Variants in NCAM1 observed in about 807,000 individuals in gnomAD.
NCAM1 encodes antigen recognized by monoclonal antibody 5.1H11.
In NCAM1, 14 loss-of-function variants were observed where a neutral mutation model predicts 109.8. That is an observed-to-expected ratio of 0.13 (90% CI 0.08 to 0.20). The LOEUF is 0.20. Ranked by LOEUF, NCAM1 falls within the 10% of genes least tolerant of loss-of-function variation. NCAM1 has a pLI of 1.00. For missense variants in NCAM1, 774 were observed against 1,109.9 expected, an observed-to-expected ratio of 0.70 and a Z score of 4.30; for synonymous variants, 418 against 442.9, an observed-to-expected ratio of 0.94 and a Z score of 0.70.
At chr11:113,146,821 G>T (rs1028323047) in intron 1 of NCAM1, among the ~76,000 whole-genome samples, 1 of 151,940 alleles carries the variant, frequency 6.6e-6, no homozygotes, top group Non-Finnish European at 1.5e-5. Context: ...CCTATCACTG[G>T]CTGGTTCAAA....
chr11:113,012,071 T>G (rs1952079861), intron 1 of NCAM1, among the ~76,000 whole-genome samples: 1 of 151,200 alleles, frequency 6.6e-6, no homozygotes, highest in Admixed American at 6.6e-5. Flanking sequence ...CAGGCTGGAG[T>G]GCAGTGGCGC....
chr11:113,154,640 C>A lies in NCAM1; in HGVS notation c.53-47739C>A, dbSNP rs553309563. ...TACTAGTGTCTATAGCTACACACAC[C>A]CGCCACACATGAACACATAGAGTTA... is the stretch of plus-strand genomic sequence containing the variant. On this transcript the variant is annotated intron_variant, in intron 1 of 19. Transcript: ENST00000316851. Among the ~76,000 whole-genome samples the A allele has an allele frequency of 1.1e-3, 169 of 152,164 alleles. 1 individual carries two copies. The highest frequency in any genetic ancestry group is 8.9e-3 in the South Asian group (43 of 4,808).
chr11:113,178,402 C>G (rs900668537), intron 1 of NCAM1, among the ~76,000 whole-genome samples: 2 of 152,202 alleles, frequency 1.3e-5, no homozygotes, highest in South Asian at 4.1e-4. Context: ...CCTTTCTGCC[C>G]TGAGAGATGA....
At chr11:113,182,073 G>A (rs1165238633) in intron 1 of NCAM1, among the ~76,000 whole-genome samples, 1 of 152,114 alleles carries the variant, frequency 6.6e-6, no homozygotes, top group Non-Finnish European at 1.5e-5. Context: ...TTGGAATGAT[G>A]TTATTTGGTA....
At chr11:113,065,531 G>T (rs1019392563) in intron 1 of NCAM1, among the ~76,000 whole-genome samples, 1 of 152,306 alleles carries the variant, frequency 6.6e-6, no homozygotes. Context: ...GTAGACTTGA[G>T]ATGATGCAAT....
intron 1 of NCAM1, among the ~76,000 whole-genome samples, chr11:113,008,204 T>C (rs1393194094): frequency 6.6e-6 from 1 of 152,198 alleles, no homozygotes; most frequent in Admixed American, 6.5e-5. Context: ...GTTATGACAC[T>C]TTTTGATAGA....
chr11:113,208,613 G>A (rs565647818), intron 7 of NCAM1, among the ~76,000 whole-genome samples: 49 of 151,900 alleles, frequency 3.2e-4, no homozygotes, highest in African/African-American at 1.2e-3. Flanking sequence ...TTCCTTCACT[G>A]CCCTGGCTAA....
At chr11:113,191,507 C>T (rs144725340) in intron 1 of NCAM1, among the ~76,000 whole-genome samples, 2 of 152,324 alleles carry the variant, frequency 1.3e-5, no homozygotes, top group Non-Finnish European at 2.9e-5. Flanking sequence ...AGAGCAAGGG[C>T]TGTGGAGCTG....
intron 1 of NCAM1, among the ~76,000 whole-genome samples, chr11:113,143,591 G>A (rs1461733972): frequency 6.6e-6 from 1 of 152,170 alleles, no homozygotes; most frequent in Admixed American, 6.5e-5. Flanking sequence ...CTCAGCACTG[G>A]TAATGGATTA....
intron 9 of NCAM1, among the ~76,000 whole-genome samples, chr11:113,226,863 A>G (rs1162469043): frequency 1.3e-5 from 2 of 152,274 alleles, no homozygotes; most frequent in African/African-American, 2.4e-5. Flanking sequence ...GCAGAAATAA[A>G]GAAGTTCTTT....
intron 1 of NCAM1, among the ~76,000 whole-genome samples, chr11:113,103,557 C>G (rs1555091907): frequency 6.6e-6 from 1 of 152,104 alleles, no homozygotes; most frequent in East Asian, 1.9e-4. Flanking sequence ...TCTACGTTAC[C>G]TGCCTCCACA....
At chr11:113,144,039 T>C (rs1941926696) in intron 1 of NCAM1, among the ~76,000 whole-genome samples, 1 of 152,206 alleles carries the variant, frequency 6.6e-6, no homozygotes, top group Non-Finnish European at 1.5e-5. Flanking sequence ...TGACTTAGCA[T>C]AGCAAAACTG....
rs180689324 is a variant in NCAM1, at chr11:113,122,421, A to G, written c.53-79958A>G. ...AAGTGCCTAAAATGGTGACTGACAC[A>G]TGGTGGATCCTCAAAAAAGATGTAT... On this transcript the variant is annotated intron_variant, in intron 1 of 19. Transcript: ENST00000316851. Among the ~76,000 whole-genome samples, 266 of 152,310 alleles carry G rather than the reference A, an allele frequency of 1.7e-3. 5 individuals are homozygous for G. The highest frequency in any genetic ancestry group is 5.9e-3 in the African/African-American group (245 of 41,578).
chr11:113,123,505 T>C (rs1941051583), intron 1 of NCAM1, among the ~76,000 whole-genome samples: 1 of 152,192 alleles, frequency 6.6e-6, no homozygotes, highest in South Asian at 2.1e-4. Context: ...CTTCCCTTCC[T>C]GTATTTTAGG....
At chr11:113,249,258 G>T (rs963138204) in intron 15 of NCAM1, among the ~76,000 whole-genome samples, 1 of 152,150 alleles carries the variant, frequency 6.6e-6, no homozygotes, top group Non-Finnish European at 1.5e-5. Flanking sequence ...ACAGCTGTGT[G>T]TCTGGATTGC....
chr11:113,257,726 A>G (rs576060715), intron 16 of NCAM1, among the ~76,000 whole-genome samples: 26 of 152,372 alleles, frequency 1.7e-4, no homozygotes, highest in Admixed American at 6.5e-4. Context: ...TTATAATTTT[A>G]TATTATGAAT....
At chr11:113,166,110 C>T (rs1555105227) in intron 1 of NCAM1, among the ~76,000 whole-genome samples, 3 of 152,128 alleles carry the variant, frequency 2.0e-5, no homozygotes. Flanking sequence ...GGATTACAGG[C>T]GTGAGCCACC....
At chr11:113,129,660 A>G (rs1299520244) in intron 1 of NCAM1, among the ~76,000 whole-genome samples, 1 of 152,186 alleles carries the variant, frequency 6.6e-6, no homozygotes, top group Admixed American at 6.5e-5. Flanking sequence ...TACTCATGCC[A>G]TAGGAGCCCA....
chr11:113,116,746 G>A (rs1591339549), intron 1 of NCAM1, among the ~76,000 whole-genome samples: 2 of 151,832 alleles, frequency 1.3e-5, no homozygotes, highest in African/African-American at 2.4e-5. Context: ...GAACCCATTG[G>A]CATTGCACAT....
Sources: allele counts gnomAD v4.1 joint callset (sites outside exome capture counted in the v4.1 genomes callset), GRCh38; gene constraint gnomAD v4.1.1; transcripts MANE v1.5; gene names NCBI Gene and HGNC (gene_info 2026-07-23, HGNC 2026-07-21).